GOLGA4: variants seen among roughly 807,000 people sequenced by gnomAD.
GOLGA4 encodes golgin A4.
A neutral mutation model predicts 265.9 loss-of-function variants in GOLGA4; 169 were observed. The ratio of observed to expected loss-of-function variants is 0.64; its 90% CI spans 0.56 to 0.72. The LOEUF is 0.72. GOLGA4 is among the 30% of genes least tolerant of loss of function. The probability of loss-of-function intolerance (pLI) is 0.00; values close to 1 mark genes in which losing one functional copy is unlikely to be tolerated. For missense variants in GOLGA4, 2,482 were observed against 2,483.4 expected (o/e 1.00, Z 0.01); for synonymous variants, 923 against 855.8 (o/e 1.08, Z -1.37).
intron 16 of GOLGA4, among the ~76,000 whole-genome samples, chr3:37,334,227 A>G (rs1027334746): frequency 6.6e-6 from 1 of 152,184 alleles, no homozygotes; most frequent in African/African-American, 2.4e-5. Flanking sequence ...AAGAGAGGAC[A>G]ATTTGTATGC....
At chr3:37,281,867 G>A (rs1361857320) in intron 2 of GOLGA4, 91 bp from the exon 3 acceptor site, 4 of 894,940 alleles carry the variant, frequency 4.5e-6, no homozygotes, top group African/African-American at 1.7e-5. Flanking sequence ...CAACTTGTTA[G>A]AACTTTTATT....
At chr3:37,333,690 G>A (rs2096999274) in intron 16 of GOLGA4, among the ~76,000 whole-genome samples, 1 of 151,966 alleles carries the variant, frequency 6.6e-6, no homozygotes, top group African/African-American at 2.4e-5. Context: ...AACAATTTTC[G>A]GTTGATGGTG....
rs1408761780 is a variant in GOLGA4 at position 37,319,137 on chromosome 3, G to A, written c.1488G>A (p.Leu496=). 1 of 1,611,706 alleles carries A rather than the reference G, an allele frequency of 6.2e-7. No individual in the cohort carries two copies. Among genetic ancestry groups the A allele is most frequent in the Non-Finnish European group, 8.5e-7 (1 of 1,178,550 alleles). The change falls in exon 12 of 24, where the codon CTG becomes CTA. Residue 496 remains leucine, a synonymous_variant. Transcript: ENST00000361924. ...AGCTGGCCAGAAAAGAGCAGGAACTGACCAAGAAGCTTCAGACCCGAGAAA... is the reference window on the plus strand; with the variant it reads ...AGCTGGCCAGAAAAGAGCAGGAACTAACCAAGAAGCTTCAGACCCGAGAAA... The part of the protein sequence containing the change: ...EKELARKEQE[L]TKKLQTRERE...
At chr3:37,303,434 A>G (rs1029703413) in intron 10 of GOLGA4, among the ~76,000 whole-genome samples, 7 of 152,224 alleles carry the variant, frequency 4.6e-5, no homozygotes, top group African/African-American at 1.7e-4. Context: ...AAGAAAAGTA[A>G]GGACTCTAAA....
At position 37,325,780 on chromosome 3, in the gene GOLGA4, GT is replaced by G; in HGVS notation, c.3896del (p.Leu1299Ter). ...TTTCTTTTCAACAGGCTACTCATCA[GT>G]TAGAAGAAAAAGAAAATCAAATTAA... ...NISFQQATHQ[L>X]EEKENQIKSM... On this transcript the variant is annotated frameshift_variant, in exon 14 of 24. Transcript: ENST00000361924. LOFTEE classifies it high-confidence loss of function. The G allele has an allele frequency of 6.2e-7, 1 of 1,613,254 alleles. No individual in the cohort carries two copies. Among genetic ancestry groups the G allele is most frequent in the Non-Finnish European group, 8.5e-7 (1 of 1,179,492 alleles).
rs1361678739 is a variant in GOLGA4 at position 37,366,020 on chromosome 3, C to G, written c.*34-60C>G. ...AAAACAAATATCCCAAAAAGTCAACCTAAATGTTTTGGATTTTTTTGCCCC... is the reference window on the plus strand; with the variant it reads ...AAAACAAATATCCCAAAAAGTCAACGTAAATGTTTTGGATTTTTTTGCCCC... On this transcript the variant is annotated intron_variant, in intron 23 of 23. Transcript: ENST00000361924. 2.8e-6 allele frequency: 4 copies of G among 1,412,960 alleles called. No individual in the cohort carries two copies. In the South Asian group the frequency reaches 3.8e-5, roughly 13 times the overall value. 87.5% of individuals were successfully genotyped at this position (1,412,960 alleles called of 1,614,324 possible).
In GOLGA4 at chr3:37,329,068, C is replaced by T. The variant is rs1270314961; in HGVS notation, c.6167C>T (p.Ala2056Val). 2.5e-6 allele frequency: 4 copies of T among 1,607,050 alleles called. No individual in the cohort carries two copies. Among genetic ancestry groups the T allele is most frequent in the East Asian group, 2.2e-5 (1 of 44,536 alleles). ...AAAGATGATGATCTAAAACGAACAG[C>T]CAAAAGATATGAAGAAATCCTTGAT... ...AEKDDDLKRTAKRYEEILDAR... is the reference protein window; with the variant it reads ...AEKDDDLKRTVKRYEEILDAR... The change falls in exon 16 of 24, where the codon GCC becomes GTC. Residue 2056 changes from alanine to valine, a missense_variant. Transcript: ENST00000361924.
chr3:37,262,683 G>C (rs1388793731), intron 2 of GOLGA4, among the ~76,000 whole-genome samples: 1 of 151,712 alleles, frequency 6.6e-6, no homozygotes, highest in Admixed American at 6.6e-5. Context: ...CAGGTGGATT[G>C]CTAGAGCCCA....
chr3:37,245,291 C>T (rs2096715950), intron 1 of GOLGA4: 1 of 152,534 alleles, frequency 6.6e-6, no homozygotes, highest in Non-Finnish European at 1.5e-5. Flanking sequence ...TACTATAATT[C>T]CTCTTTTATA....
intron 23 of GOLGA4, among the ~76,000 whole-genome samples, chr3:37,362,695 T>TTTTG (rs1696404922): frequency 6.6e-6 from 1 of 151,204 alleles, no homozygotes; most frequent in Non-Finnish European, 1.5e-5. Context: ...TATTTTTTTA[T>TTTTG]TTTATTTTAT....
intron 2 of GOLGA4, among the ~76,000 whole-genome samples, chr3:37,265,890 A>G (rs2150690861): frequency 6.6e-6 from 1 of 151,992 alleles, no homozygotes; most frequent in Non-Finnish European, 1.5e-5. Context: ...TAGCAGGCAT[A>G]GTGATGTGCG....
At chr3:37,342,274 G>A (rs944897801) in intron 20 of GOLGA4, among the ~76,000 whole-genome samples, 1 of 152,168 alleles carries the variant, frequency 6.6e-6, no homozygotes, top group Non-Finnish European at 1.5e-5. Context: ...AACCTGGGAG[G>A]CTGGGGTTGC....
intron 16 of GOLGA4, among the ~76,000 whole-genome samples, chr3:37,331,987 C>G (rs933396799): frequency 6.6e-6 from 1 of 152,200 alleles, no homozygotes; most frequent in African/African-American, 2.4e-5. Context: ...CCACCACAGT[C>G]TGTGCTACCA....
intron 20 of GOLGA4, among the ~76,000 whole-genome samples, chr3:37,343,601 C>G (rs952416481): frequency 6.6e-6 from 1 of 152,208 alleles, no homozygotes; most frequent in Non-Finnish European, 1.5e-5. Flanking sequence ...CTTTTGAACT[C>G]CAGGTCCTTC....
intron 17 of GOLGA4, 49 bp from the exon 18 acceptor site, chr3:37,337,094 T>A (rs1183113626): frequency 1.8e-6 from 2 of 1,141,892 alleles, no homozygotes; most frequent in Non-Finnish European, 2.6e-6. Flanking sequence ...TTACTGTTTC[T>A]TATAGCTATT....
intron 13 of GOLGA4, among the ~76,000 whole-genome samples, 168 bp downstream of exon 13, chr3:37,322,054 G>A (rs771498950): frequency 6.6e-6 from 1 of 152,090 alleles, no homozygotes; most frequent in Non-Finnish European, 1.5e-5. Context: ...TTTGGCTTTA[G>A]GCTCTGTGTT....
chr3:37,327,658 G>A lies in GOLGA4; in HGVS notation c.5772G>A (p.Gln1924=). Residue 1924 remains glutamine (Q), a synonymous_variant, in exon 14 of 24, where the codon CAG becomes CAA. Transcript: ENST00000361924. The part of the protein sequence containing the change: ...QPKLLSNMEA[Q]HNDLEFKLAG... ...AATTGCTTAGTAACATGGAAGCCCA[G>A]CACAATGATCTGGAGTTTAAATTAG... is the stretch of plus-strand genomic sequence containing the variant. 2 of 1,613,984 alleles carry A rather than the reference G, an allele frequency of 1.2e-6. No homozygotes were observed. Among genetic ancestry groups the A allele is most frequent in the Non-Finnish European group, 1.7e-6 (2 of 1,179,880 alleles).
At chr3:37,244,337 T>C (rs2096712778) in intron 1 of GOLGA4, among the ~76,000 whole-genome samples, 1 of 152,238 alleles carries the variant, frequency 6.6e-6, no homozygotes, top group Admixed American at 6.5e-5. Context: ...TTTTTAAGTC[T>C]TGCTGCTCTG....
At position 37,243,477 on chromosome 3, in the gene GOLGA4, C is replaced by G; in HGVS notation, c.-74C>G. 1.5e-6 allele frequency: 2 copies of G among 1,298,838 alleles called. No homozygotes were observed. The highest frequency in any genetic ancestry group is 1.5e-5 in the African/African-American group (1 of 68,898). The allele number at this position is 1,298,838 out of a possible 1,614,324, so 80.5% of individuals were successfully genotyped here. Reference sequence around the variant, plus strand: ...CCTGGTGTAAAGAAGTCGCCGTAGCCGTCGCGGCCGGGACTCCCCGGGCTC... The same window carrying G: ...CCTGGTGTAAAGAAGTCGCCGTAGCGGTCGCGGCCGGGACTCCCCGGGCTC... On this transcript the variant is annotated 5_prime_UTR_variant, in exon 1 of 24. Coordinates refer to ENST00000361924, the MANE Select transcript of GOLGA4 (RefSeq NM_002078.5).
Sources: allele counts gnomAD v4.1 joint callset (sites outside exome capture counted in the v4.1 genomes callset), GRCh38; gene constraint gnomAD v4.1.1; transcripts MANE v1.5; gene names NCBI Gene and HGNC (gene_info 2026-07-23, HGNC 2026-07-21).